The following NR2E1 variants were observed in gnomAD, a reference collection of about 807,000 sequenced individuals.
The protein encoded by NR2E1 is nuclear receptor TLX.
A neutral mutation model predicts 43.6 loss-of-function variants in NR2E1; 5 were observed. That is an observed-to-expected ratio of 0.11 (90% CI 0.06 to 0.24). NR2E1 has a LOEUF of 0.24. NR2E1 is among the 10% of genes least tolerant of loss of function. The probability of loss-of-function intolerance (pLI) is 1.00; values close to 1 mark genes in which losing one functional copy is unlikely to be tolerated. For missense variants in NR2E1, 287 were observed against 496.7 expected (o/e 0.58, Z 4.01); for synonymous variants, 191 against 195.5 (o/e 0.98, Z 0.19).
At chr6:108,179,689 G>A (rs1773954393) in intron 5 of NR2E1, among the ~76,000 whole-genome samples, 1 of 152,104 alleles carries the variant, frequency 6.6e-6, no homozygotes, top group African/African-American at 2.4e-5. Context: ...AAAAGAGACA[G>A]ATTTTCATTT....
chr6:108,180,030 G>A lies in NR2E1; in HGVS notation c.643-293G>A, dbSNP rs896297264. 3.3e-5 allele frequency among the ~76,000 whole-genome samples: 5 copies of A among 152,130 alleles called. No individual in the cohort carries two copies. Among genetic ancestry groups the A allele is most frequent in the Non-Finnish European group, 7.4e-5 (5 of 68,024 alleles). On this transcript the variant is annotated intron_variant, in intron 5 of 8. Coordinates refer to ENST00000368986, the MANE Select transcript of NR2E1 (RefSeq NM_003269.5). This position sits in a 1 kb window ranked among gnomAD's most constrained non-coding sequence, Gnocchi z 5.4. ...TCATAAAGCCTCGCTCTCTAGAGGA[G>A]CTTCTAGGTGGTCAGGAATGGGTGG... is the stretch of plus-strand genomic sequence containing the variant.
intron 7 of NR2E1, 117 bp downstream of exon 7, chr6:108,181,073 C>A: frequency 9.1e-7 from 1 of 1,096,920 alleles, no homozygotes; most frequent in Non-Finnish European, 1.4e-6. Flanking sequence ...TTCAAGGGAG[C>A]TGATACTCTT....
At chr6:108,170,556 T>C (rs1198920331) in intron 1 of NR2E1, among the ~76,000 whole-genome samples, 1 of 130,964 alleles carries the variant, frequency 7.6e-6, no homozygotes, top group African/African-American at 2.9e-5. Flanking sequence ...GTGGGGTCCA[T>C]GGGGGGTGGG....
At chr6:108,171,980 T>C (rs746981478) in intron 2 of NR2E1, among the ~76,000 whole-genome samples, 3 of 152,174 alleles carry the variant, frequency 2.0e-5, no homozygotes, top group African/African-American at 4.8e-5. Context: ...AAGAGCTTTG[T>C]TATTGTGCCT....
At chr6:108,182,863 G>A (rs1774015966) in intron 8 of NR2E1, among the ~76,000 whole-genome samples, 1 of 151,414 alleles carries the variant, frequency 6.6e-6, no homozygotes, top group African/African-American at 2.4e-5. Flanking sequence ...GGCACACCCA[G>A]CTAATTTTTA....
At position 108,181,643 on chromosome 6, in the gene NR2E1, C is replaced by T. The variant is rs761923182; in HGVS notation, c.987C>T (p.Ile329=). The change falls in exon 8 of 9, where the codon ATC becomes ATT. Residue 329 remains isoleucine, a synonymous_variant. Coordinates refer to ENST00000368986, the MANE Select transcript of NR2E1 (RefSeq NM_003269.5). ...DEAQLTLNSY[I]HTRYPTQPCR... ...CTCAGCTAACGCTCAACAGCTACAT[C>T]CATACCAGGTGACCCTTGTTTGCCT... The T allele has an allele frequency of 8.1e-6, 13 of 1,613,628 alleles. No individual in the cohort carries two copies. The highest frequency in any genetic ancestry group is 1.1e-5 in the Non-Finnish European group (13 of 1,179,594).
intron 1 of NR2E1, among the ~76,000 whole-genome samples, chr6:108,167,010 G>A (rs1773720537): frequency 6.6e-6 from 1 of 152,106 alleles, no homozygotes. Context: ...GATCCCCCCT[G>A]TCTGGTGCGG....
intron 5 of NR2E1, among the ~76,000 whole-genome samples, chr6:108,178,667 T>C (rs1582447434): frequency 6.6e-6 from 1 of 152,332 alleles, no homozygotes; most frequent in South Asian, 2.1e-4. Flanking sequence ...ACTGATGTTA[T>C]TATTTTATAT....
At chr6:108,168,417 C>A (rs537011527) in intron 1 of NR2E1, among the ~76,000 whole-genome samples, 1 of 152,288 alleles carries the variant, frequency 6.6e-6, no homozygotes, top group East Asian at 1.9e-4. Context: ...GCCTCAGAGG[C>A]GAGGGAGGGG....
chr6:108,172,204 G>A (rs772803039), intron 2 of NR2E1, among the ~76,000 whole-genome samples: 6 of 152,220 alleles, frequency 3.9e-5, no homozygotes, highest in Admixed American at 2.0e-4. Context: ...CTCTGGAAGT[G>A]GGCAGTGGGA....
intron 2 of NR2E1, among the ~76,000 whole-genome samples, chr6:108,174,497 A>T (rs1773862817): frequency 6.6e-6 from 1 of 152,022 alleles, no homozygotes; most frequent in Admixed American, 6.6e-5. Context: ...CCACTCCGCG[A>T]CTGGCGGAAG....
At chr6:108,186,981 C>T (rs1421346514) in intron 8 of NR2E1, among the ~76,000 whole-genome samples, 1 of 152,070 alleles carries the variant, frequency 6.6e-6, no homozygotes, top group Non-Finnish European at 1.5e-5. Context: ...TAATGGAAAC[C>T]TTAAATTTAT....
intron 8 of NR2E1, 30 bp downstream of exon 8, chr6:108,181,681 T>A (rs755382276): frequency 2.2e-5 from 35 of 1,558,586 alleles, no homozygotes; most frequent in Admixed American, 6.7e-5. Flanking sequence ...AACATGTACT[T>A]AAGAAAATTG....
At chr6:108,186,035 G>A (rs1774071078) in intron 8 of NR2E1, among the ~76,000 whole-genome samples, 2 of 152,316 alleles carry the variant, frequency 1.3e-5, no homozygotes, top group Non-Finnish European at 1.5e-5. Flanking sequence ...GGGAAATAGA[G>A]CTGTTGAAAA....
chr6:108,187,478 C>T lies in NR2E1; in HGVS notation c.*15C>T. 1 of 1,613,580 alleles carries T rather than the reference C, an allele frequency of 6.2e-7. No homozygotes were observed. Among genetic ancestry groups the T allele is most frequent in the Non-Finnish European group, 8.5e-7 (1 of 1,179,670 alleles). On this transcript the variant is annotated 3_prime_UTR_variant, in exon 9 of 9. Coordinates refer to ENST00000368986, the MANE Select transcript of NR2E1 (RefSeq NM_003269.5). Reference sequence around the variant, plus strand: ...GTGATATCTAAGCTCACAAGATACCCACTTTTCAGGATGGGACAGTATCAG... The same window carrying T: ...GTGATATCTAAGCTCACAAGATACCTACTTTTCAGGATGGGACAGTATCAG...
chr6:108,166,592 G>T lies in NR2E1; in HGVS notation c.-174G>T. On this transcript the variant is annotated 5_prime_UTR_variant, in exon 1 of 9. The change creates a premature stop within an existing upstream ORF in the 5' untranslated region. Coordinates refer to ENST00000368986, the MANE Select transcript of NR2E1 (RefSeq NM_003269.5). The surrounding 1 kb of genome is among the most constrained non-coding windows in gnomAD (Gnocchi z 7.2). ...GATGCTTAAATTTCCACTGTTGGAC[G>T]AATTCTGAGCGCCCAGGGAGCAGCG... 1 of 538,592 alleles carries T rather than the reference G, an allele frequency of 1.9e-6. No individual in the cohort carries two copies. The highest frequency in any genetic ancestry group is 2.6e-5 in the South Asian group (1 of 37,784). 33.4% of individuals were successfully genotyped at this position (538,592 alleles called of 1,614,324 possible).
chr6:108,173,656 T>C (rs1773847828), intron 2 of NR2E1, among the ~76,000 whole-genome samples: 1 of 152,204 alleles, frequency 6.6e-6, no homozygotes, highest in African/African-American at 2.4e-5. Flanking sequence ...ATTTTTGAGA[T>C]TATGAAGCAA....
At chr6:108,168,157 C>T in intron 1 of NR2E1, 1 of 1,589,190 alleles carries the variant, frequency 6.3e-7, no homozygotes, top group African/African-American at 1.4e-5. Flanking sequence ...TTGGAATCTC[C>T]AGGAGGTAAA....
rs1773737573 is a variant in NR2E1, at chr6:108,167,921, C to T, written c.25+1131C>T. 3.1e-6 allele frequency: 4 copies of T among 1,281,762 alleles called. No individual in the cohort carries two copies. The South Asian group carries it at 4.5e-5, about 14-fold the overall frequency. The allele number at this position is 1,281,762 out of a possible 1,614,324, so 79.4% of individuals were successfully genotyped here. The stretch of plus-strand genomic sequence containing the variant: ...TTAAGTGGGATGCAATTCCCGCCCT[C>T]CTACCCCCCTCCAAGAAGGAGGTTG... On this transcript the variant is annotated intron_variant, in intron 1 of 8. Transcript: ENST00000368986.
Sources: allele counts gnomAD v4.1 joint callset (sites outside exome capture counted in the v4.1 genomes callset), GRCh38; gene constraint gnomAD v4.1.1; non-coding constraint Gnocchi (gnomAD v3.1); transcripts MANE v1.5; gene names NCBI Gene and HGNC (gene_info 2026-07-23, HGNC 2026-07-21).